Variants in VAV3 observed in about 807,000 individuals in gnomAD.
VAV3 encodes vav guanine nucleotide exchange factor 3, also known as guanine nucleotide exchange factor VAV3.
VAV3 carries 94 observed loss-of-function variants against 131.2 expected under a neutral mutation model. The observed-to-expected ratio is 0.72, with a 90% CI of 0.61 to 0.85. The LOEUF is 0.85. Ranked by LOEUF, VAV3 falls within the 40% of genes least tolerant of loss-of-function variation. VAV3 has a pLI of 0.00. For missense variants in VAV3, 939 were observed against 1,002.7 expected, an observed-to-expected ratio of 0.94 and a Z score of 0.86; for synonymous variants, 349 against 342.0, an observed-to-expected ratio of 1.02 and a Z score of -0.22.
chr1:107,824,505 G>A (rs1052712348), intron 2 of VAV3, among the ~76,000 whole-genome samples: 2 of 152,144 alleles, frequency 1.3e-5, no homozygotes, highest in African/African-American at 2.4e-5. Context: ...AGGATCCACA[G>A]ATAAATACGG....
intron 1 of VAV3, among the ~76,000 whole-genome samples, chr1:107,885,065 T>G (rs940552309): frequency 1.3e-5 from 2 of 151,954 alleles, no homozygotes; most frequent in Non-Finnish European, 2.9e-5. Flanking sequence ...AGGCTAGAAA[T>G]GGACTGCCTG....
intron 2 of VAV3, among the ~76,000 whole-genome samples, chr1:107,807,373 T>C (rs1211083998): frequency 1.3e-5 from 2 of 152,228 alleles, no homozygotes; most frequent in Non-Finnish European, 2.9e-5. Flanking sequence ...AAAATGTTAT[T>C]ACTCCCCACA....
At chr1:107,951,890 A>C (rs980404779) in intron 1 of VAV3, among the ~76,000 whole-genome samples, 13 of 152,288 alleles carry the variant, frequency 8.5e-5, no homozygotes, top group African/African-American at 3.1e-4. Context: ...AATTAGTTCA[A>C]CATTTGTGGA....
At chr1:107,715,674 T>C (rs954681509) in intron 15 of VAV3, among the ~76,000 whole-genome samples, 1 of 152,186 alleles carries the variant, frequency 6.6e-6, no homozygotes, top group Non-Finnish European at 1.5e-5. Context: ...AAATGCATTG[T>C]TCATTCTCTT....
At chr1:107,704,907 T>C in intron 16 of VAV3, 53 bp downstream of exon 16, 1 of 1,534,714 alleles carries the variant, frequency 6.5e-7, no homozygotes, top group Non-Finnish European at 9.0e-7. Flanking sequence ...TCTGAAACAC[T>C]TAGCAATTAT....
intron 19 of VAV3, among the ~76,000 whole-genome samples, chr1:107,656,025 A>G (rs764651908): frequency 4.6e-5 from 7 of 152,110 alleles, no homozygotes; most frequent in Non-Finnish European, 8.8e-5. Context: ...TACAGCCCCT[A>G]TGGAAAATAG....
chr1:107,908,448 T>G (rs1557916559), intron 1 of VAV3, among the ~76,000 whole-genome samples: 1 of 152,166 alleles, frequency 6.6e-6, no homozygotes, highest in African/African-American at 2.4e-5. Flanking sequence ...AAAATACCTG[T>G]AGCAATTTAT....
In VAV3 at chr1:107,892,525, T is replaced by A. The variant is rs149761641; in HGVS notation, c.205-17508A>T. Among the ~76,000 whole-genome samples the A allele has an allele frequency of 4.1e-3, 624 of 152,294 alleles. 5 individuals are homozygous for A. The highest frequency in any genetic ancestry group is 0.014 in the African/African-American group (586 of 41,556). On this transcript the variant is annotated intron_variant, in intron 1 of 26. Coordinates refer to ENST00000370056, the MANE Select transcript of VAV3 (RefSeq NM_006113.5). Reference sequence around the variant, plus strand: ...CCTTTTCTGATTTTTCTAATTCTCCTTCCCCTTTTTTCTATTTTTTTATTT... The same window carrying A: ...CCTTTTCTGATTTTTCTAATTCTCCATCCCCTTTTTTCTATTTTTTTATTT...
intron 15 of VAV3, among the ~76,000 whole-genome samples, chr1:107,745,598 T>C (rs17019880): frequency 0.084 from 12,841 of 152,264 alleles, 694 homozygotes; most frequent in Admixed American, 0.17. Context: ...AGAATATTTA[T>C]GTTCACCAGA....
intron 25 of VAV3, among the ~76,000 whole-genome samples, chr1:107,578,396 T>C (rs950223128): frequency 6.6e-6 from 1 of 152,180 alleles, no homozygotes; most frequent in Non-Finnish European, 1.5e-5. Flanking sequence ...GCAGTAGAAA[T>C]GGTACATTTT....
In VAV3 at chr1:107,683,556, G is replaced by A. The variant is rs1658798518; in HGVS notation, c.1732-23C>T. On this transcript the variant is annotated intron_variant, in intron 18 of 26. Coordinates refer to ENST00000370056, the MANE Select transcript of VAV3 (RefSeq NM_006113.5). ...TTTCTGTGCAGTAAAGTAAAACAAA[G>A]CAAAACAAATATGTGTTGGTAATTT... 4 of 1,612,666 alleles carry A rather than the reference G, an allele frequency of 2.5e-6. No homozygotes were observed. The African/African-American group carries it at 5.3e-5, about 22-fold the overall frequency.
At chr1:107,737,554 A>G (rs568925863) in intron 15 of VAV3, among the ~76,000 whole-genome samples, 6 of 152,374 alleles carry the variant, frequency 3.9e-5, no homozygotes, top group Admixed American at 3.3e-4. Context: ...GGATATGAAC[A>G]GACACTTCTC....
At chr1:107,743,877 C>T (rs1663166171) in intron 15 of VAV3, among the ~76,000 whole-genome samples, 1 of 152,178 alleles carries the variant, frequency 6.6e-6, no homozygotes, top group Non-Finnish European at 1.5e-5. Flanking sequence ...TATTTGACCT[C>T]GGATTATTTA....
At chr1:107,734,346 T>C (rs1662453600) in intron 15 of VAV3, among the ~76,000 whole-genome samples, 1 of 152,082 alleles carries the variant, frequency 6.6e-6, no homozygotes, top group Non-Finnish European at 1.5e-5. Context: ...ACAGATCAAA[T>C]TCATACATAA....
rs927395397 is a variant in VAV3, at chr1:107,572,287, A to G, written c.*1044T>C. 1.3e-5 allele frequency: 2 copies of G among 152,246 alleles called. No individual in the cohort carries two copies. The highest frequency in any genetic ancestry group is 4.8e-5 in the African/African-American group (2 of 41,458). 9.4% of individuals were successfully genotyped at this position (152,246 alleles called of 1,614,324 possible). A position where few individuals can be genotyped will look rare whatever the true frequency, so the allele number is the denominator to read the frequency against. ...GACCCTCTTTCTGTCCCAGAAATGA[A>G]TAAAGGACCCAGTTGTGCTTTCCTT... is the stretch of plus-strand genomic sequence containing the variant. On this transcript the variant is annotated 3_prime_UTR_variant, in exon 27 of 27. Coordinates refer to ENST00000370056, the MANE Select transcript of VAV3 (RefSeq NM_006113.5).
At position 107,572,598 on chromosome 1, in the gene VAV3, T is replaced by C. The variant is rs1649339452; in HGVS notation, c.*733A>G. On this transcript the variant is annotated 3_prime_UTR_variant, in exon 27 of 27. Coordinates refer to ENST00000370056, the MANE Select transcript of VAV3 (RefSeq NM_006113.5). ...AAATAATCCTATGAAATCATGAAGGTTGTGAAGGTTTAATATGAAGACACC... is the reference window on the plus strand; with the variant it reads ...AAATAATCCTATGAAATCATGAAGGCTGTGAAGGTTTAATATGAAGACACC... 6.6e-6 allele frequency: 1 copy of C among 152,628 alleles called. No individual in the cohort carries two copies. Among genetic ancestry groups the C allele is most frequent in the African/African-American group, 2.4e-5 (1 of 41,452 alleles). 9.5% of individuals were successfully genotyped at this position (152,628 alleles called of 1,614,324 possible).
intron 2 of VAV3, among the ~76,000 whole-genome samples, chr1:107,863,742 A>G (rs1390344258): frequency 2.0e-5 from 3 of 152,200 alleles, no homozygotes; most frequent in Non-Finnish European, 4.4e-5. Context: ...GGAAGGAAAT[A>G]GAGTTTTTTT....
At chr1:107,686,906 C>T (rs1185719943) in intron 18 of VAV3, among the ~76,000 whole-genome samples, 1 of 152,052 alleles carries the variant, frequency 6.6e-6, no homozygotes, top group Admixed American at 6.5e-5. Context: ...TAAAATGAAA[C>T]CATCTTCCTT....
At chr1:107,839,202 T>C (rs780285998) in intron 2 of VAV3, among the ~76,000 whole-genome samples, 37 of 152,194 alleles carry the variant, frequency 2.4e-4, no homozygotes, top group South Asian at 4.1e-4. Context: ...AGAGGCTGAT[T>C]TAATTCATCA....
Sources: gnomAD v4.1 joint callset for allele counts (sites outside exome capture counted in the v4.1 genomes callset) on GRCh38, gnomAD v4.1.1 for gene constraint, MANE v1.5 for transcripts, NCBI Gene and HGNC (gene_info 2026-07-23, HGNC 2026-07-21) for gene names.